AFG2A: variants seen among roughly 807,000 people sequenced by gnomAD.
The protein encoded by AFG2A is ATPase family gene 2 protein homolog A.
chr4:123,005,911 G>A, the AFG2A span, among the ~76,000 whole-genome samples: 1 of 152,124 alleles, frequency 6.6e-6, no homozygotes, highest in East Asian at 1.9e-4. Flanking sequence ...GCACTAAACA[G>A]AGTATTTTCT....
the AFG2A span, among the ~76,000 whole-genome samples, chr4:123,245,017 G>T: frequency 0.021 from 3,126 of 152,310 alleles, 97 homozygotes; most frequent in African/African-American, 0.071. Flanking sequence ...TCTTTGTATA[G>T]AAATGATTTG....
chr4:123,006,947 T>TC, the AFG2A span, among the ~76,000 whole-genome samples: 1 of 151,632 alleles, frequency 6.6e-6, no homozygotes, highest in South Asian at 2.1e-4. Flanking sequence ...TCTTTTTTTT[T>TC]CTTTCTTCTC....
the AFG2A span, among the ~76,000 whole-genome samples, chr4:122,940,534 C>G: frequency 6.6e-6 from 1 of 151,908 alleles, no homozygotes; most frequent in African/African-American, 2.4e-5. Flanking sequence ...GGATATTAGC[C>G]CTTTGTCAGA....
chr4:123,076,167 A>C, the AFG2A span, among the ~76,000 whole-genome samples: 3 of 152,004 alleles, frequency 2.0e-5, no homozygotes, highest in Non-Finnish European at 4.4e-5. Flanking sequence ...GCTACTTGGG[A>C]GGCTGAGGCA....
the AFG2A span, among the ~76,000 whole-genome samples, chr4:123,241,198 T>C: frequency 6.6e-5 from 10 of 152,120 alleles, no homozygotes; most frequent in African/African-American, 2.4e-4. Context: ...AATTCTACCA[T>C]AGGTACAAAG....
chr4:123,216,574 CACA>C, the AFG2A span, among the ~76,000 whole-genome samples: 1 of 151,802 alleles, frequency 6.6e-6, no homozygotes, highest in Non-Finnish European at 1.5e-5. Flanking sequence ...CTATAAATAA[CACA>C]ACATTTATGT....
the AFG2A span, among the ~76,000 whole-genome samples, chr4:123,158,887 T>A: frequency 1.3e-5 from 2 of 152,212 alleles, no homozygotes; most frequent in African/African-American, 4.8e-5. Flanking sequence ...TACAATGGTC[T>A]CCTAGATTTT....
chr4:123,180,428 G>T, the AFG2A span, among the ~76,000 whole-genome samples: 2 of 152,126 alleles, frequency 1.3e-5, no homozygotes, highest in East Asian at 1.9e-4. Flanking sequence ...TAACAGTAGG[G>T]TCACTACTGA....
At chr4:123,314,239 A>G in the AFG2A span, 1 of 432,460 alleles carries the variant, frequency 2.3e-6, no homozygotes, top group Non-Finnish European at 4.0e-6. Flanking sequence ...TACAGTGAAA[A>G]TATCTCTGAG....
chr4:123,191,553 C>A, the AFG2A span, among the ~76,000 whole-genome samples: 3 of 152,118 alleles, frequency 2.0e-5, no homozygotes, highest in African/African-American at 7.2e-5. Flanking sequence ...AAGGTACATT[C>A]TCCAGTAATA....
the AFG2A span, among the ~76,000 whole-genome samples, chr4:123,083,837 T>C: frequency 5.3e-5 from 8 of 152,148 alleles, no homozygotes; most frequent in South Asian, 1.7e-3. Context: ...CTTCATAGAA[T>C]GAGGAAGTAT....
the AFG2A span, among the ~76,000 whole-genome samples, chr4:123,175,856 T>C: frequency 6.6e-6 from 1 of 152,184 alleles, no homozygotes; most frequent in African/African-American, 2.4e-5. Context: ...CAGAGACTCC[T>C]GGGAACATAC....
the AFG2A span, among the ~76,000 whole-genome samples, chr4:123,221,770 CAAA>C: frequency 6.6e-6 from 1 of 151,640 alleles, no homozygotes; most frequent in Non-Finnish European, 1.5e-5. Context: ...ACTAAAAATA[CAAA>C]AAAATTAGAC....
chr4:123,034,626 CTTTAG>C, the AFG2A span, among the ~76,000 whole-genome samples: 5 of 149,316 alleles, frequency 3.3e-5, no homozygotes, highest in African/African-American at 7.4e-5. Flanking sequence ...TAACTATGGT[CTTTAG>C]TTTAATAATA....
At chr4:123,080,200 G>A in the AFG2A span, among the ~76,000 whole-genome samples, 2 of 152,344 alleles carry the variant, frequency 1.3e-5, no homozygotes, top group African/African-American at 4.8e-5. Context: ...TTTAGATGAA[G>A]TCGTAAGGTT....
chr4:123,134,731 A>G, the AFG2A span, among the ~76,000 whole-genome samples: 249 of 152,224 alleles, frequency 1.6e-3, 1 homozygote, highest in Middle Eastern at 0.014. Context: ...AAATCTGAAC[A>G]GACCAATAAT....
chr4:123,212,173 T>C, the AFG2A span, among the ~76,000 whole-genome samples: 1 of 152,182 alleles, frequency 6.6e-6, no homozygotes, highest in Non-Finnish European at 1.5e-5. Context: ...TTCCATTTCC[T>C]TACAGTATTT....
chr4:123,228,797 T>C, the AFG2A span, among the ~76,000 whole-genome samples: 1 of 152,022 alleles, frequency 6.6e-6, no homozygotes, highest in Admixed American at 6.6e-5. Flanking sequence ...ATAAGCCATG[T>C]CTCCTCTTAC....
At chr4:123,157,120 A>G in the AFG2A span, among the ~76,000 whole-genome samples, 1 of 151,902 alleles carries the variant, frequency 6.6e-6, no homozygotes, top group African/African-American at 2.4e-5. Flanking sequence ...GGTTCAAGCA[A>G]TTCTCCTGTC....
Sources: gnomAD v4.1 joint callset for allele counts (sites outside exome capture counted in the v4.1 genomes callset) on GRCh38, gnomAD v4.1.1 for gene constraint, MANE v1.5 for transcripts, NCBI Gene and HGNC (gene_info 2026-07-23, HGNC 2026-07-21) for gene names.